Variants in GRM7 observed in about 807,000 individuals in gnomAD.
GRM7 encodes metabotropic glutamate receptor 7.
Under a neutral mutation model 84.5 loss-of-function variants are expected in GRM7, and 35 were observed. The observed-to-expected ratio is 0.41, with a 90% CI of 0.32 to 0.55. The LOEUF (loss-of-function observed/expected upper bound fraction) is 0.55, where lower values mean the gene tolerates loss of function less well. GRM7 is among the 20% of genes least tolerant of loss of function. GRM7 has a pLI of 0.19. For missense variants in GRM7, 1,003 were observed against 1,194.6 expected (o/e 0.84, Z 2.36); for synonymous variants, 487 against 455.1 (o/e 1.07, Z -0.89).
chr3:7,718,067 T>C (rs1701827380), intron 9 of GRM7, among the ~76,000 whole-genome samples: 1 of 152,216 alleles, frequency 6.6e-6, no homozygotes, highest in African/African-American at 2.4e-5. Flanking sequence ...TCAGATGGCC[T>C]AGCTCAGCCA....
At chr3:7,002,348 A>G (rs892289708) in intron 1 of GRM7, among the ~76,000 whole-genome samples, 1 of 152,212 alleles carries the variant, frequency 6.6e-6, no homozygotes, top group African/African-American at 2.4e-5. Context: ...GGGCTTCTCT[A>G]CTAGAACTAT....
At position 7,645,546 on chromosome 3, in the gene GRM7, T is replaced by TAAAAAAAAAA. The variant is rs71043684; in HGVS notation, c.2452-34487_2452-34478dup. ...TGGGTGACAGAGCAAGACTCCATCT[T>TAAAAAAAAAA]AAAAAAAAAAAAAAAAAAAAAAAAA... On this transcript the variant is annotated intron_variant, in intron 8 of 9. Transcript: ENST00000357716. Among the ~76,000 whole-genome samples, 12 of 87,758 alleles carry TAAAAAAAAAA rather than the reference T, an allele frequency of 1.4e-4. 1 individual carries two copies. The highest frequency in any genetic ancestry group is 1.9e-4 in the Non-Finnish European group (9 of 47,560). The allele number at this position is 87,758 out of a possible 152,430, so 57.6% of individuals were successfully genotyped here. A position where few individuals can be genotyped will look rare whatever the true frequency, so the allele number is the denominator to read the frequency against.
intron 9 of GRM7, among the ~76,000 whole-genome samples, chr3:7,697,969 G>A (rs1352513322): frequency 6.6e-6 from 1 of 152,184 alleles, no homozygotes; most frequent in African/African-American, 2.4e-5. Context: ...TACTAAAAAG[G>A]TTATATTAAG....
chr3:7,708,584 C>T (rs980286151), intron 9 of GRM7, among the ~76,000 whole-genome samples: 2 of 152,032 alleles, frequency 1.3e-5, no homozygotes, highest in African/African-American at 4.8e-5. Flanking sequence ...GGTACAGGGA[C>T]AGGAAGGTAA....
chr3:7,530,745 T>C (rs1041308873), intron 7 of GRM7, among the ~76,000 whole-genome samples: 1 of 152,122 alleles, frequency 6.6e-6, no homozygotes, highest in African/African-American at 2.4e-5. Flanking sequence ...ATGCCTTCTT[T>C]TGAGGAGTGT....
At chr3:7,258,928 T>G (rs1911900) in intron 2 of GRM7, among the ~76,000 whole-genome samples, 1 of 152,180 alleles carries the variant, frequency 6.6e-6, no homozygotes, top group Non-Finnish European at 1.5e-5. Flanking sequence ...GTGGAAAACC[T>G]TAAGGATTTT....
intron 4 of GRM7, among the ~76,000 whole-genome samples, chr3:7,327,992 T>C (rs1701051291): frequency 6.6e-6 from 1 of 150,496 alleles, no homozygotes; most frequent in South Asian, 2.1e-4. Flanking sequence ...TGAGAGGTGA[T>C]GATTTTGGTC....
At chr3:7,676,528 C>G (rs780169423) in intron 8 of GRM7, among the ~76,000 whole-genome samples, 1 of 152,014 alleles carries the variant, frequency 6.6e-6, no homozygotes, top group Non-Finnish European at 1.5e-5. Flanking sequence ...ATGTGATCTC[C>G]GCTCTCTGCA....
chr3:7,468,731 G>T (rs1320119309), intron 7 of GRM7, among the ~76,000 whole-genome samples: 2 of 152,254 alleles, frequency 1.3e-5, no homozygotes, highest in Non-Finnish European at 1.5e-5. Context: ...CCCACATGCT[G>T]ATCTCATGGT....
chr3:6,903,493 C>G (rs1381479032), intron 1 of GRM7, among the ~76,000 whole-genome samples: 5 of 152,204 alleles, frequency 3.3e-5, no homozygotes, highest in Non-Finnish European at 7.4e-5. Flanking sequence ...TTGCTTCTGA[C>G]ACCATCTCAC....
intron 8 of GRM7, among the ~76,000 whole-genome samples, chr3:7,582,438 G>C (rs994561398): frequency 6.6e-6 from 1 of 152,090 alleles, no homozygotes; most frequent in Non-Finnish European, 1.5e-5. Flanking sequence ...AAGGGAAAAT[G>C]ATCTTGATAC....
intron 6 of GRM7, among the ~76,000 whole-genome samples, chr3:7,458,533 C>G (rs563172493): frequency 6.6e-6 from 1 of 152,242 alleles, no homozygotes; most frequent in African/African-American, 2.4e-5. Flanking sequence ...TATTACAAGT[C>G]ATCACTTAGA....
intron 1 of GRM7, among the ~76,000 whole-genome samples, chr3:6,992,325 G>A (rs933468450): frequency 2.6e-5 from 4 of 152,150 alleles, no homozygotes; most frequent in African/African-American, 9.7e-5. Flanking sequence ...TATTTAACCT[G>A]AAATCACTTA....
At chr3:7,125,092 A>G (rs9879890) in intron 1 of GRM7, among the ~76,000 whole-genome samples, 29,839 of 151,952 alleles carry the variant, frequency 0.2, 3,115 homozygotes, top group Middle Eastern at 0.29. Flanking sequence ...GGCACCCACC[A>G]CCATGCCCAC....
intron 5 of GRM7, among the ~76,000 whole-genome samples, chr3:7,446,616 A>C (rs952807326): frequency 6.6e-6 from 1 of 151,660 alleles, no homozygotes; most frequent in Non-Finnish European, 1.5e-5. Flanking sequence ...CACACGCCAC[A>C]GCCCGGCTAA....
chr3:7,467,875 C>A (rs1698527405), intron 7 of GRM7, among the ~76,000 whole-genome samples: 1 of 151,962 alleles, frequency 6.6e-6, no homozygotes, highest in Admixed American at 6.6e-5. Flanking sequence ...AAAAATCAGC[C>A]ATCCATTATT....
Position 7,129,497 on chromosome 3 carries a change from A to G in GRM7, c.520-16955A>G, listed in dbSNP as rs13326649. On this transcript the variant is annotated intron_variant, in intron 1 of 9. Coordinates refer to ENST00000357716, the MANE Select transcript of GRM7 (RefSeq NM_000844.4). Reference sequence around the variant, plus strand: ...TTTTAAAAAATCAGTTCTTGCAACTACGTGTGATTCATGAGAATATTTTGG... The same window carrying G: ...TTTTAAAAAATCAGTTCTTGCAACTGCGTGTGATTCATGAGAATATTTTGG... 8.6e-3 allele frequency among the ~76,000 whole-genome samples: 1,315 copies of G among 152,348 alleles called. 22 individuals are homozygous for G. Among genetic ancestry groups the G allele is most frequent in the African/African-American group, 0.029 (1,211 of 41,574 alleles).
chr3:7,271,355 C>A (rs1024424132), intron 2 of GRM7, among the ~76,000 whole-genome samples: 1 of 151,776 alleles, frequency 6.6e-6, no homozygotes, highest in Non-Finnish European at 1.5e-5. Flanking sequence ...GTCAGGAGAT[C>A]GAGACCATCC....
chr3:7,215,338 G>A (rs1044164015), intron 2 of GRM7, among the ~76,000 whole-genome samples: 3 of 152,082 alleles, frequency 2.0e-5, no homozygotes, highest in Non-Finnish European at 2.9e-5. Context: ...CTGTGACTCT[G>A]TTTCCCCACT....
Sources: gnomAD v4.1 joint callset for allele counts (sites outside exome capture counted in the v4.1 genomes callset) on GRCh38, gnomAD v4.1.1 for gene constraint, MANE v1.5 for transcripts, NCBI Gene and HGNC (gene_info 2026-07-23, HGNC 2026-07-21) for gene names.